The following EYA4 variants were observed in gnomAD, a reference collection of about 807,000 sequenced individuals.
The protein encoded by EYA4 is protein phosphatase EYA4.
In EYA4, 31 loss-of-function variants were observed where a neutral mutation model predicts 87.9. That is an observed-to-expected ratio of 0.35 (90% CI 0.27 to 0.48). The LOEUF (loss-of-function observed/expected upper bound fraction) is 0.48, where lower values mean the gene tolerates loss of function less well. Ranked by LOEUF, EYA4 falls within the 20% of genes least tolerant of loss-of-function variation. EYA4 has a pLI of 0.99. For missense variants in EYA4, 678 were observed against 761.4 expected (o/e 0.89, Z 1.29); for synonymous variants, 263 against 270.6 (o/e 0.97, Z 0.28).
chr6:133,448,011 T>G, intron 4 of EYA4, 100 bp from the exon 5 acceptor site: 1 of 860,130 alleles, frequency 1.2e-6, no homozygotes. Context: ...CAGTTATAAT[T>G]TTGGCTAAAA....
intron 13 of EYA4, among the ~76,000 whole-genome samples, chr6:133,498,708 G>GTA (rs1797845116): frequency 1.3e-5 from 2 of 152,270 alleles, no homozygotes; most frequent in African/African-American, 4.8e-5. Context: ...AAGTTTGTGT[G>GTA]TGCATGTGTA....
At chr6:133,252,938 T>G (rs1215923785) in intron 1 of EYA4, among the ~76,000 whole-genome samples, 1 of 136,020 alleles carries the variant, frequency 7.4e-6, no homozygotes. Context: ...TAGAGGTACT[T>G]GAAAACACAC....
In EYA4 at chr6:133,427,371, A is replaced by G. The variant is rs528218614; in HGVS notation, c.84-19259A>G. On this transcript the variant is annotated intron_variant, in intron 3 of 19. Transcript: ENST00000355286. Reference sequence around the variant, plus strand: ...ATCATGTTATCTGGAATTTTTATGCATTAGTATAAATTGAAATTAACTCAA... The same window carrying G: ...ATCATGTTATCTGGAATTTTTATGCGTTAGTATAAATTGAAATTAACTCAA... Among the ~76,000 whole-genome samples, 5 of 152,354 alleles carry G rather than the reference A, an allele frequency of 3.3e-5. No individual in the cohort carries two copies. In the South Asian group the frequency reaches 8.3e-4, roughly 25 times the overall value.
intron 13 of EYA4, among the ~76,000 whole-genome samples, chr6:133,493,968 C>T (rs1193447675): frequency 1.3e-5 from 2 of 152,112 alleles, no homozygotes; most frequent in Non-Finnish European, 2.9e-5. Flanking sequence ...CCTCATACAC[C>T]GTTTGTGGGA....
intron 1 of EYA4, among the ~76,000 whole-genome samples, chr6:133,262,665 A>G (rs211443): frequency 0.14 from 20,690 of 152,254 alleles, 1,827 homozygotes; most frequent in East Asian, 0.22. Context: ...ACTTATGACA[A>G]ATGACCCAAA....
At position 133,385,438 on chromosome 6, in the gene EYA4, TGTGA is replaced by T. The variant is rs1234023289; in HGVS notation, c.83+2999_83+3002del. 7.6e-3 allele frequency among the ~76,000 whole-genome samples: 842 copies of T among 110,656 alleles called. 7 individuals carry two copies. Among genetic ancestry groups the T allele is most frequent in the East Asian group, 0.023 (89 of 3,884 alleles). 72.6% of individuals were successfully genotyped at this position (110,656 alleles called of 152,430 possible). On this transcript the variant is annotated intron_variant, in intron 3 of 19. Coordinates refer to ENST00000355286, the MANE Select transcript of EYA4 (RefSeq NM_004100.5). ...GTGTGTGTGTGTGTGTGTGTGTGTG[TGTGA>T]GAGAGAGAGAGAGAGATTCAGATTG...
intron 2 of EYA4, among the ~76,000 whole-genome samples, chr6:133,309,775 G>T (rs1196804677): frequency 6.6e-6 from 1 of 152,134 alleles, no homozygotes; most frequent in East Asian, 1.9e-4. Flanking sequence ...GGTTAGCTAT[G>T]GAGAGAAGAT....
chr6:133,454,959 C>G (rs956847146), intron 5 of EYA4, among the ~76,000 whole-genome samples: 1 of 152,092 alleles, frequency 6.6e-6, no homozygotes, highest in Non-Finnish European at 1.5e-5. Flanking sequence ...AATCTTAGCT[C>G]TACCGTCTCC....
At chr6:133,381,226 A>G (rs1048501219) in intron 2 of EYA4, among the ~76,000 whole-genome samples, 5 of 152,012 alleles carry the variant, frequency 3.3e-5, no homozygotes, top group Admixed American at 2.6e-4. Flanking sequence ...GATGCAAAAG[A>G]GACTACAGAG....
intron 3 of EYA4, among the ~76,000 whole-genome samples, chr6:133,384,151 G>T (rs754531658): frequency 1.3e-5 from 2 of 152,114 alleles, no homozygotes; most frequent in African/African-American, 2.4e-5. Context: ...AACAGAAAGC[G>T]ATCAAACTGA....
At chr6:133,387,509 G>C (rs747290831) in intron 3 of EYA4, among the ~76,000 whole-genome samples, 1 of 152,110 alleles carries the variant, frequency 6.6e-6, no homozygotes, top group Non-Finnish European at 1.5e-5. Flanking sequence ...TCAATAACAT[G>C]ATCTGGTTGT....
chr6:133,274,709 G>A lies in EYA4; in HGVS notation c.-65-7G>A, dbSNP rs1320546673. 9 of 1,273,962 alleles carry A rather than the reference G, an allele frequency of 7.1e-6. No homozygotes were observed. The highest frequency in any genetic ancestry group is 1.0e-5 in the Non-Finnish European group (9 of 870,974). 78.9% of individuals were successfully genotyped at this position (1,273,962 alleles called of 1,614,324 possible). A position where few individuals can be genotyped will look rare whatever the true frequency, so the allele number is the denominator to read the frequency against. On this transcript the variant is annotated splice_polypyrimidine_tract_variant and splice_region_variant and intron_variant, in intron 1 of 19. Coordinates refer to ENST00000355286, the MANE Select transcript of EYA4 (RefSeq NM_004100.5). ...TTTTCCCCTTTGTTTCCATCTTCTT[G>A]TTTTAGATAGTCATTTTTACTTGAA...
intron 3 of EYA4, among the ~76,000 whole-genome samples, chr6:133,428,203 T>C (rs1379835642): frequency 6.6e-6 from 1 of 152,178 alleles, no homozygotes; most frequent in African/African-American, 2.4e-5. Flanking sequence ...AGGTAAGTTC[T>C]GGTGCTCAGA....
chr6:133,337,468 A>G (rs1187076097), intron 2 of EYA4, among the ~76,000 whole-genome samples: 1 of 152,216 alleles, frequency 6.6e-6, no homozygotes, highest in Non-Finnish European at 1.5e-5. Context: ...TGTCAGACAC[A>G]GAGGTCAGAA....
chr6:133,370,915 A>G (rs1785219153), intron 2 of EYA4, among the ~76,000 whole-genome samples: 1 of 152,108 alleles, frequency 6.6e-6, no homozygotes, highest in African/African-American at 2.4e-5. Flanking sequence ...AGAATCCTGT[A>G]GTGTTTAGTG....
chr6:133,383,726 A>G (rs1231461820), intron 3 of EYA4, among the ~76,000 whole-genome samples: 2 of 152,098 alleles, frequency 1.3e-5, no homozygotes, highest in African/African-American at 4.8e-5. Flanking sequence ...AGAGCATATG[A>G]TATGATATCA....
chr6:133,295,688 C>T (rs1430706617), intron 2 of EYA4, among the ~76,000 whole-genome samples: 4 of 151,804 alleles, frequency 2.6e-5, no homozygotes, highest in African/African-American at 9.7e-5. Context: ...AGGATTTTGC[C>T]CAAACTCATA....
chr6:133,408,899 C>A (rs1788967772), intron 3 of EYA4, among the ~76,000 whole-genome samples: 1 of 152,112 alleles, frequency 6.6e-6, no homozygotes, highest in African/African-American at 2.4e-5. Flanking sequence ...GGTGTGTGGT[C>A]ACTTTTAGTG....
chr6:133,499,749 A>T (rs942120006), intron 13 of EYA4, among the ~76,000 whole-genome samples: 2 of 152,106 alleles, frequency 1.3e-5, no homozygotes, highest in Admixed American at 6.6e-5. Flanking sequence ...AATGATCTTT[A>T]TGGAGGTGAA....
Sources: gnomAD v4.1 joint callset for allele counts (sites outside exome capture counted in the v4.1 genomes callset) on GRCh38, gnomAD v4.1.1 for gene constraint, MANE v1.5 for transcripts, NCBI Gene and HGNC (gene_info 2026-07-23, HGNC 2026-07-21) for gene names.